Variants in TMEM65 observed in about 807,000 individuals in gnomAD.
The protein encoded by TMEM65 is transmembrane protein 65.
TMEM65 carries 22 observed loss-of-function variants against 25.4 expected under a neutral mutation model. The observed-to-expected ratio is 0.86, with a 90% CI of 0.62 to 1.23. TMEM65 has a LOEUF of 1.23. Among genes scored for constraint, TMEM65 ranks in the 50% most tolerant of loss-of-function variants. The pLI is 0.00. For missense variants in TMEM65, 262 were observed against 308.2 expected (o/e 0.85, Z 1.12); for synonymous variants, 132 against 126.2 (o/e 1.05, Z -0.31).
At chr8:124,348,280 GTT>G (rs11339442) in intron 1 of TMEM65, among the ~76,000 whole-genome samples, 10 of 149,830 alleles carry the variant, frequency 6.7e-5, no homozygotes, top group Non-Finnish European at 8.9e-5. Context: ...TTTCATGGTA[GTT>G]TTTTTTTTTA....
At chr8:124,320,380 G>GA (rs1814289200) in intron 5 of TMEM65, among the ~76,000 whole-genome samples, 189 bp from the exon 6 acceptor site, 1 of 152,096 alleles carries the variant, frequency 6.6e-6, no homozygotes, top group South Asian at 2.1e-4. Context: ...TTGTACTCTA[G>GA]AAATGACATA....
At chr8:124,338,998 G>A (rs1563594217) in intron 1 of TMEM65, among the ~76,000 whole-genome samples, 1 of 151,356 alleles carries the variant, frequency 6.6e-6, no homozygotes, top group Non-Finnish European at 1.5e-5. Flanking sequence ...AGACCAGCCT[G>A]GCCAATATGG....
In TMEM65 at chr8:124,372,203, T is replaced by C. The variant is rs1230437248; in HGVS notation, c.-46A>G. On this transcript the variant is annotated 5_prime_UTR_variant, in exon 1 of 7. Transcript: ENST00000297632. The stretch of plus-strand genomic sequence containing the variant: ...CCCCCGCGGCCGTCCGGCAAGGCGG[T>C]TTCTGGCGCGGCTGAGGCGAGAAGG... 1 of 1,191,712 alleles carries C rather than the reference T, an allele frequency of 8.4e-7. No individual in the cohort carries two copies. Among genetic ancestry groups the C allele is most frequent in the Non-Finnish European group, 1.0e-6 (1 of 954,070 alleles). The allele number at this position is 1,191,712 out of a possible 1,614,324, so 73.8% of individuals were successfully genotyped here.
chr8:124,360,760 A>G (rs990211114), intron 1 of TMEM65, among the ~76,000 whole-genome samples: 6 of 152,214 alleles, frequency 3.9e-5, no homozygotes, highest in Non-Finnish European at 1.5e-5. Flanking sequence ...CCAGCTAACA[A>G]TTGCTTAGGG....
intron 1 of TMEM65, among the ~76,000 whole-genome samples, chr8:124,344,113 A>T (rs755008153): frequency 1.4e-4 from 22 of 152,286 alleles, no homozygotes; most frequent in Non-Finnish European, 2.9e-4. Context: ...CACCTCCAAG[A>T]TACATTTTTA....
intron 1 of TMEM65, among the ~76,000 whole-genome samples, chr8:124,349,758 C>A (rs73332188): frequency 0.012 from 1,842 of 152,136 alleles, 42 homozygotes; most frequent in African/African-American, 0.042. Context: ...AGGGATATAA[C>A]CAAACACTGA....
intron 6 of TMEM65, among the ~76,000 whole-genome samples, chr8:124,315,328 TG>T (rs1814221587): frequency 6.6e-6 from 1 of 151,240 alleles, no homozygotes. Context: ...TTTTTTTGTT[TG>T]TTTTTTTTTT....
intron 1 of TMEM65, chr8:124,350,954 A>G: frequency 1.0e-6 from 1 of 984,078 alleles, no homozygotes; most frequent in Non-Finnish European, 1.2e-6. Flanking sequence ...CAGAAAAATT[A>G]GGCAGTCTAT....
At chr8:124,367,921 TTTTA>T (rs1349196420) in intron 1 of TMEM65, among the ~76,000 whole-genome samples, 2 of 152,238 alleles carry the variant, frequency 1.3e-5, no homozygotes, top group African/African-American at 4.8e-5. Context: ...TCAATACATC[TTTTA>T]TTTGCTATAT....
intron 1 of TMEM65, among the ~76,000 whole-genome samples, chr8:124,336,059 G>T (rs1233332401): frequency 6.6e-6 from 1 of 151,964 alleles, no homozygotes; most frequent in Admixed American, 6.6e-5. Context: ...GCTTATAAAG[G>T]CTGGAGCTTT....
intron 1 of TMEM65, among the ~76,000 whole-genome samples, chr8:124,361,942 G>C (rs1814869806): frequency 6.6e-6 from 1 of 151,746 alleles, no homozygotes; most frequent in Non-Finnish European, 1.5e-5. Flanking sequence ...CCAGGCTGGA[G>C]TGCAACGACA....
chr8:124,331,451 C>G (rs1814431165), intron 1 of TMEM65, among the ~76,000 whole-genome samples: 1 of 126,418 alleles, frequency 7.9e-6, no homozygotes, highest in African/African-American at 3.0e-5. Context: ...CTTTTGGAAC[C>G]TATACACTGG....
intron 6 of TMEM65, among the ~76,000 whole-genome samples, chr8:124,318,361 A>ATTTTTTTT (rs1563588866): frequency 9.3e-6 from 1 of 107,454 alleles, no homozygotes; most frequent in African/African-American, 3.7e-5. Context: ...CTGAATTTGC[A>ATTTTTTTT]TGTTTTTGTT....
rs567045713 is a variant in TMEM65 at position 124,372,208 on chromosome 8, G to A, written c.-51C>T. 2.0e-4 allele frequency: 248 copies of A among 1,248,666 alleles called. 4 individuals are homozygous for A. In the South Asian group the frequency reaches 3.5e-3, roughly 17 times the overall value. 77.3% of individuals were successfully genotyped at this position (1,248,666 alleles called of 1,614,324 possible). A position where few individuals can be genotyped will look rare whatever the true frequency, so the allele number is the denominator to read the frequency against. On this transcript the variant is annotated 5_prime_UTR_variant, in exon 1 of 7. Coordinates refer to ENST00000297632, the MANE Select transcript of TMEM65 (RefSeq NM_194291.3). Reference sequence around the variant, plus strand: ...GCGGCCGTCCGGCAAGGCGGTTTCTGGCGCGGCTGAGGCGAGAAGGAGCTG... The same window carrying A: ...GCGGCCGTCCGGCAAGGCGGTTTCTAGCGCGGCTGAGGCGAGAAGGAGCTG...
chr8:124,347,966 C>A (rs1420947686), intron 1 of TMEM65, among the ~76,000 whole-genome samples: 2 of 151,626 alleles, frequency 1.3e-5, no homozygotes, highest in Non-Finnish European at 2.9e-5. Flanking sequence ...TCTCGGCTCA[C>A]CGCAACCTCT....
At chr8:124,335,640 A>G (rs1296602355) in intron 1 of TMEM65, among the ~76,000 whole-genome samples, 1 of 152,122 alleles carries the variant, frequency 6.6e-6, no homozygotes, top group Admixed American at 6.6e-5. Flanking sequence ...ATGAAAATAA[A>G]ATGGTCCAAT....
At chr8:124,343,871 T>A (rs1242580464) in intron 1 of TMEM65, among the ~76,000 whole-genome samples, 1 of 152,198 alleles carries the variant, frequency 6.6e-6, no homozygotes, top group African/African-American at 2.4e-5. Context: ...TTACTAACAG[T>A]AGGCAAAACC....
intron 2 of TMEM65, among the ~76,000 whole-genome samples, chr8:124,328,917 C>CA (rs989955017): frequency 1.5e-4 from 23 of 151,006 alleles, no homozygotes; most frequent in Non-Finnish European, 3.1e-4. Flanking sequence ...AATAAGCACT[C>CA]AAAAAAAAGC....
chr8:124,317,646 T>C (rs1181339836), intron 6 of TMEM65, among the ~76,000 whole-genome samples: 3 of 152,222 alleles, frequency 2.0e-5, no homozygotes, highest in Non-Finnish European at 4.4e-5. Context: ...ACCTTCCTTC[T>C]GGTATTTAAG....
Sources: gnomAD v4.1 joint callset for allele counts (sites outside exome capture counted in the v4.1 genomes callset) on GRCh38, gnomAD v4.1.1 for gene constraint, MANE v1.5 for transcripts, NCBI Gene and HGNC (gene_info 2026-07-23, HGNC 2026-07-21) for gene names.